The following DDX46 variants were observed in gnomAD, a reference collection of about 807,000 sequenced individuals.
The protein encoded by DDX46 is probable ATP-dependent RNA helicase DDX46.
Under a neutral mutation model 134.9 loss-of-function variants are expected in DDX46, and 30 were observed. The observed-to-expected ratio is 0.22, with a 90% confidence interval of 0.17 to 0.30. DDX46 has a LOEUF of 0.30. DDX46 is among the 10% of genes least tolerant of loss of function. The pLI is 1.00. For synonymous variants in DDX46, 415 were observed against 404.1 expected (o/e 1.03, Z -0.32); for missense variants, 622 against 1,248.7 (o/e 0.50, Z 7.56).
chr5:134,767,509 T>A (rs1213216154), intron 3 of DDX46, among the ~76,000 whole-genome samples: 2 of 151,906 alleles, frequency 1.3e-5, no homozygotes, highest in East Asian at 3.9e-4. Context: ...CCCAGCTAAT[T>A]TTTATGTTTT....
intron 22 of DDX46, 85 bp from the exon 23 acceptor site, chr5:134,828,573 GT>G: frequency 1.2e-6 from 1 of 841,302 alleles, no homozygotes; most frequent in Non-Finnish European, 1.7e-6. Flanking sequence ...TTTTGGGTTT[GT>G]TTGGTTGGTT....
At chr5:134,794,780 G>T in intron 13 of DDX46, 70 bp from the exon 14 acceptor site, 1 of 1,555,094 alleles carries the variant, frequency 6.4e-7, no homozygotes, top group Admixed American at 2.0e-5. Context: ...CCTTTTACTT[G>T]GTTTTAACAT....
intron 13 of DDX46, 63 bp from the exon 14 acceptor site, chr5:134,794,787 A>G: frequency 4.4e-6 from 7 of 1,579,008 alleles, no homozygotes; most frequent in Non-Finnish European, 6.0e-6. Flanking sequence ...CTTGGTTTTA[A>G]CATTGCATAA....
intron 15 of DDX46, among the ~76,000 whole-genome samples, chr5:134,798,284 C>T (rs530039938): frequency 3.9e-5 from 6 of 152,016 alleles, no homozygotes; most frequent in African/African-American, 9.6e-5. Flanking sequence ...CTCTGCTTCC[C>T]GCCTCCTGGG....
intron 2 of DDX46, among the ~76,000 whole-genome samples, chr5:134,765,728 A>G (rs1195646643): frequency 1.3e-5 from 2 of 152,138 alleles, no homozygotes; most frequent in Admixed American, 6.6e-5. Context: ...AAAGGAAGAC[A>G]AGATTGTGTT....
chr5:134,815,156 T>G (rs1289135609), intron 18 of DDX46, among the ~76,000 whole-genome samples: 9 of 152,142 alleles, frequency 5.9e-5, no homozygotes, highest in Admixed American at 5.9e-4. Context: ...GGCCGAGATA[T>G]GAGGAACCCT....
At chr5:134,823,591 T>A (rs1755514587) in intron 21 of DDX46, among the ~76,000 whole-genome samples, 1 of 152,246 alleles carries the variant, frequency 6.6e-6, no homozygotes, top group Admixed American at 6.5e-5. Flanking sequence ...AGAAACTGAC[T>A]TAGATCTATT....
intron 22 of DDX46, among the ~76,000 whole-genome samples, 196 bp downstream of exon 22, chr5:134,827,216 A>G (rs1374243080): frequency 1.3e-5 from 2 of 152,088 alleles, no homozygotes; most frequent in South Asian, 2.1e-4. Context: ...CTCTGTGTCT[A>G]TTCTTGTCAC....
chr5:134,791,054 G>T (rs1365274282), intron 13 of DDX46, among the ~76,000 whole-genome samples: 1 of 152,206 alleles, frequency 6.6e-6, no homozygotes. Flanking sequence ...CTGACCTCAG[G>T]TGATCCACCC....
intron 2 of DDX46, among the ~76,000 whole-genome samples, chr5:134,764,818 C>T (rs755527998): frequency 2.0e-5 from 3 of 150,594 alleles, no homozygotes. Flanking sequence ...TCTCTCCCTC[C>T]TTCCCTCCCT....
At chr5:134,800,421 T>G (rs1412784245) in intron 15 of DDX46, among the ~76,000 whole-genome samples, 2 of 152,220 alleles carry the variant, frequency 1.3e-5, no homozygotes, top group Non-Finnish European at 2.9e-5. Flanking sequence ...TCTTCCCCTT[T>G]TATTGCTGAA....
chr5:134,830,301 T>C lies in DDX46; in HGVS notation c.*1595T>C, dbSNP rs968330322. On this transcript the variant is annotated 3_prime_UTR_variant, in exon 23 of 23. Coordinates refer to ENST00000452510, the MANE Select transcript of DDX46 (RefSeq NM_001300860.2). ...TTAAAGGTTACAGTATACAGGCGGTTAAAGTATACAGGAGGATGTGCATCG... is the reference window on the plus strand; with the variant it reads ...TTAAAGGTTACAGTATACAGGCGGTCAAAGTATACAGGAGGATGTGCATCG... 1.3e-5 allele frequency: 2 copies of C among 152,170 alleles called. No homozygotes were observed. The highest frequency in any genetic ancestry group is 2.9e-5 in the Non-Finnish European group (2 of 68,010). 9.4% of individuals were successfully genotyped at this position (152,170 alleles called of 1,614,324 possible).
In DDX46 at chr5:134,807,867, G is replaced by C. The variant is rs1755033995; in HGVS notation, c.2074G>C (p.Val692Leu). 2 of 1,614,042 alleles carry C rather than the reference G, an allele frequency of 1.2e-6. No individual in the cohort carries two copies. The highest frequency in any genetic ancestry group is 2.2e-5 in the South Asian group (2 of 91,086). ...AGATGTGAAACATCTGATTCTTGTA[G>C]TAAATTATAGCTGCCCCAACCATTA... The part of the protein sequence containing the change: ...GLDVKHLILV[V>L]NYSCPNHYED... Residue 692 changes from valine (V) to leucine (L), a missense_variant, in exon 16 of 23, where the codon GTA becomes CTA. Around this residue, in one of 8 missense-constraint regions of DDX46, gnomAD observed 209 missense variants for 508.4 expected, o/e 0.41. Coordinates refer to ENST00000452510, the MANE Select transcript of DDX46 (RefSeq NM_001300860.2).
At position 134,830,239 on chromosome 5, in the gene DDX46, C is replaced by T. The variant is rs1275751015; in HGVS notation, c.*1533C>T. The T allele has an allele frequency of 1.3e-5, 2 of 150,172 alleles. No homozygotes were observed. The highest frequency in any genetic ancestry group is 2.4e-5 in the African/African-American group (1 of 40,854). 9.3% of individuals were successfully genotyped at this position (150,172 alleles called of 1,614,324 possible). A position where few individuals can be genotyped will look rare whatever the true frequency, so the allele number is the denominator to read the frequency against. ...CAGTTTAACAGCTGTAAAAGTTTTA[C>T]TATAACATTTACATTGTGTTAGGTA... is the stretch of plus-strand genomic sequence containing the variant. On this transcript the variant is annotated 3_prime_UTR_variant, in exon 23 of 23. Transcript: ENST00000452510.
chr5:134,786,702 T>G (rs1754346922), intron 11 of DDX46, among the ~76,000 whole-genome samples: 1 of 152,010 alleles, frequency 6.6e-6, no homozygotes, highest in Non-Finnish European at 1.5e-5. Context: ...GAAATTAGCC[T>G]GGCTTGGTGG....
At chr5:134,787,153 G>A (rs1201863788) in intron 11 of DDX46, among the ~76,000 whole-genome samples, 5 of 151,928 alleles carry the variant, frequency 3.3e-5, no homozygotes, top group Non-Finnish European at 7.4e-5. Context: ...TGAATTCCTG[G>A]GCTCAAGCAA....
At chr5:134,760,087 A>G (rs1489556941) in intron 1 of DDX46, among the ~76,000 whole-genome samples, 6 of 152,232 alleles carry the variant, frequency 3.9e-5, no homozygotes, top group East Asian at 1.9e-4. Context: ...TTGCTCTCCT[A>G]ATTGTTAGAT....
intron 15 of DDX46, among the ~76,000 whole-genome samples, chr5:134,800,193 C>G (rs539760800): frequency 2.6e-4 from 39 of 152,296 alleles, no homozygotes; most frequent in Admixed American, 2.5e-3. Context: ...AGTGATCCAC[C>G]TGCCTCGGCC....
chr5:134,789,704 G>A (rs6878563), intron 12 of DDX46, among the ~76,000 whole-genome samples: 17 of 150,304 alleles, frequency 1.1e-4, no homozygotes, highest in Non-Finnish European at 1.9e-4. Context: ...TATTTTATAC[G>A]TGTTTTTGCC....
Sources: gnomAD v4.1 joint callset for allele counts (sites outside exome capture counted in the v4.1 genomes callset) on GRCh38, gnomAD v4.1.1 for gene constraint, gnomAD v4.1.1 regional missense constraint, MANE v1.5 for transcripts, NCBI Gene and HGNC (gene_info 2026-07-23, HGNC 2026-07-21) for gene names.